The following CACNA1A variants were observed in gnomAD, a reference collection of about 807,000 sequenced individuals.
CACNA1A encodes voltage-dependent P/Q-type calcium channel subunit alpha-1A.
A neutral mutation model predicts 262.4 loss-of-function variants in CACNA1A; 57 were observed. The ratio of observed to expected loss-of-function variants is 0.22; its 90% CI spans 0.18 to 0.27. The LOEUF (loss-of-function observed/expected upper bound fraction) is 0.27. CACNA1A is among the 10% of genes least tolerant of loss of function. CACNA1A has a pLI of 1.00. For synonymous variants in CACNA1A, 1,431 were observed against 1,419.3 expected (o/e 1.01, Z -0.18); for missense variants, 2,526 against 3,562.8 (o/e 0.71, Z 7.41).
chr19:13,245,985 A>G (rs2056224095), intron 30 of CACNA1A, among the ~76,000 whole-genome samples: 1 of 152,100 alleles, frequency 6.6e-6, no homozygotes, highest in Admixed American at 6.5e-5. Context: ...CCCATTTTCT[A>G]GGAGGTAACC....
chr19:13,290,875 G>A (rs2057521268), intron 19 of CACNA1A, among the ~76,000 whole-genome samples: 1 of 152,104 alleles, frequency 6.6e-6, no homozygotes, highest in African/African-American at 2.4e-5. Flanking sequence ...GGAGAAACTC[G>A]TGGCGGCATT....
At chr19:13,283,488 G>C in intron 21 of CACNA1A, 92 bp from the exon 22 acceptor site, 2 of 1,516,492 alleles carry the variant, frequency 1.3e-6, no homozygotes, top group Non-Finnish European at 1.8e-6. Flanking sequence ...TACCACTACT[G>C]AGATCTCCAA....
At chr19:13,248,718 C>T (rs1016253736) in intron 30 of CACNA1A, among the ~76,000 whole-genome samples, 7 of 151,958 alleles carry the variant, frequency 4.6e-5, no homozygotes, top group African/African-American at 1.5e-4. Context: ...TGGTGGGCGC[C>T]TGTAATCCCA....
chr19:13,445,995 C>T (rs2060803863), intron 3 of CACNA1A, among the ~76,000 whole-genome samples: 9 of 152,172 alleles, frequency 5.9e-5, no homozygotes, highest in Admixed American at 5.9e-4. Flanking sequence ...ACTCATTAGG[C>T]CGGGCACGGT....
chr19:13,272,629 T>G (rs1007537325), intron 24 of CACNA1A: 2 of 139,344 alleles, frequency 1.4e-5, no homozygotes, highest in African/African-American at 2.7e-5. Context: ...AAGAGGAAAA[T>G]AAAAAGATAG....
chr19:13,365,629 A>C, intron 4 of CACNA1A, 160 bp from the exon 5 acceptor site: 1 of 571,640 alleles, frequency 1.7e-6, no homozygotes. Context: ...AGGAAGCACC[A>C]CACGGAGGCT....
intron 24 of CACNA1A, chr19:13,273,251 C>G (rs4926251): frequency 0.48 from 73,570 of 152,108 alleles, 18,410 homozygotes; most frequent in East Asian, 0.63. Flanking sequence ...CAGGCGTGAG[C>G]CACTGTGCCC....
chr19:13,259,437 G>A, intron 27 of CACNA1A, 127 bp downstream of exon 27: 1 of 695,568 alleles, frequency 1.4e-6, no homozygotes, highest in Non-Finnish European at 2.2e-6. Context: ...CTCCTAAAGT[G>A]TTGGGATTAC....
chr19:13,298,988 G>A lies in CACNA1A; in HGVS notation c.2645C>T (p.Pro882Leu), dbSNP rs2057732172. The A allele has an allele frequency of 1.9e-6, 3 of 1,580,268 alleles. No homozygotes were observed. Among genetic ancestry groups the A allele is most frequent in the Admixed American group, 1.8e-5 (1 of 56,756 alleles). Residue 882 changes from proline to leucine, a missense_variant, in exon 19 of 47, where the codon CCC (proline) becomes CTC (leucine). Physicochemically the swap from Pro to Leu is moderately conservative, Grantham distance 98. Transcript: ENST00000360228. ...SGSAGLDARR[P>L]WAGSQEAELS... ...CTCGGCCTCCTGGCTTCCCGCCCAG[G>A]GCCTCCGTGCGTCCAGGCCCGCCGA...
chr19:13,291,545 T>C (rs1462961054), intron 19 of CACNA1A, among the ~76,000 whole-genome samples: 1 of 149,680 alleles, frequency 6.7e-6, no homozygotes, highest in Non-Finnish European at 1.5e-5. Context: ...ACGCCTGTAA[T>C]CCTAGCACTT....
chr19:13,385,521 C>T (rs533921082), intron 3 of CACNA1A, among the ~76,000 whole-genome samples: 8 of 152,216 alleles, frequency 5.3e-5, no homozygotes, highest in South Asian at 2.1e-4. Context: ...AGCCACTGCG[C>T]CCGGCCTTCT....
In CACNA1A at chr19:13,206,682, A is replaced by ATTAT. The variant is rs1375698660; in HGVS notation, c.*627_*630dup. 6.5e-6 allele frequency: 1 copy of ATTAT among 153,688 alleles called. No homozygotes were observed. Among genetic ancestry groups the ATTAT allele is most frequent in the Non-Finnish European group, 1.5e-5 (1 of 68,108 alleles). 9.5% of individuals were successfully genotyped at this position (153,688 alleles called of 1,614,324 possible). On this transcript the variant is annotated 3_prime_UTR_variant, in exon 47 of 47. Coordinates refer to ENST00000360228, the MANE Select transcript of CACNA1A (RefSeq NM_001127222.2). ...CTTTTTAAAATTGTTTATTGTTATT[A>ATTAT]TTATTTTTTTAAATTGATTTCTGCA...
At chr19:13,340,016 G>C (rs1313181080) in intron 6 of CACNA1A, among the ~76,000 whole-genome samples, 2 of 152,134 alleles carry the variant, frequency 1.3e-5, no homozygotes, top group Non-Finnish European at 2.9e-5. Flanking sequence ...GGCGGCTGAG[G>C]GTTCTCGTTC....
chr19:13,452,746 G>A (rs974154367), intron 3 of CACNA1A, 130 bp downstream of exon 3: 1 of 756,484 alleles, frequency 1.3e-6, no homozygotes, highest in Non-Finnish European at 2.2e-6. Context: ...CAGAAAGGAG[G>A]CAGGCGCATA....
intron 26 of CACNA1A, 116 bp downstream of exon 26, chr19:13,261,334 C>T: frequency 1.1e-6 from 1 of 933,294 alleles, no homozygotes; most frequent in Non-Finnish European, 1.6e-6. Flanking sequence ...AACTGAGTCA[C>T]TTCCAAGGCT....
chr19:13,332,342 G>A (rs1423374184), intron 9 of CACNA1A, among the ~76,000 whole-genome samples: 2 of 152,022 alleles, frequency 1.3e-5, no homozygotes, highest in Non-Finnish European at 1.5e-5. Context: ...AGAGGTTGCA[G>A]TGAGGTGAGA....
chr19:13,258,616 A>T (rs960686387), intron 27 of CACNA1A: 8 of 152,400 alleles, frequency 5.2e-5, no homozygotes, highest in African/African-American at 1.9e-4. Context: ...GGTTAGCATT[A>T]TTCCCACATG....
intron 19 of CACNA1A, among the ~76,000 whole-genome samples, chr19:13,294,114 C>CTT (rs538515228): frequency 7.1e-6 from 1 of 140,300 alleles, no homozygotes. Context: ...ATTGGTCTTT[C>CTT]TTTTTTTTTT....
intron 1 of CACNA1A, among the ~76,000 whole-genome samples, chr19:13,466,614 T>C (rs2061244862): frequency 6.6e-6 from 1 of 152,072 alleles, no homozygotes; most frequent in Admixed American, 6.6e-5. Flanking sequence ...GTGCTGGGAT[T>C]ACAGGCGTGA....
Sources: gnomAD v4.1 joint callset for allele counts (sites outside exome capture counted in the v4.1 genomes callset) on GRCh38, gnomAD v4.1.1 for gene constraint, MANE v1.5 for transcripts, NCBI Gene and HGNC (gene_info 2026-07-23, HGNC 2026-07-21) for gene names.